The following LAMB4 variants were observed in gnomAD, a reference collection of about 807,000 sequenced individuals.
LAMB4 encodes the protein laminin subunit beta 4, also known as laminin subunit beta-4.
Under a neutral mutation model 199.2 loss-of-function variants are expected in LAMB4, and 196 were observed. That is an observed-to-expected ratio of 0.98 (90% CI 0.88 to 1.11). The LOEUF (loss-of-function observed/expected upper bound fraction) is 1.11, where lower values mean the gene tolerates loss of function less well. Among genes scored for constraint, LAMB4 ranks in the 50% least tolerant of loss-of-function variants. The probability of loss-of-function intolerance (pLI) is 0.00; values close to 1 mark genes in which losing one functional copy is unlikely to be tolerated. For synonymous variants in LAMB4, 744 were observed against 770.6 expected (o/e 0.97, Z 0.57); for missense variants, 2,080 against 2,171.2 (o/e 0.96, Z 0.83).
chr7:108,077,130 AT>A (rs1237569903), intron 16 of LAMB4, 66 bp from the exon 17 acceptor site: 28 of 1,544,474 alleles, frequency 1.8e-5, no homozygotes, highest in Non-Finnish European at 2.5e-5. Context: ...CTAAATGGCC[AT>A]AGTATTTGGT....
intron 14 of LAMB4, among the ~76,000 whole-genome samples, chr7:108,084,091 CTCCAGCCCATGAGGGATGAGAGTGTGAG>C (rs2037068396): frequency 6.6e-6 from 1 of 152,328 alleles, no homozygotes; most frequent in South Asian, 2.1e-4. Flanking sequence ...AATGCAGGGG[CTCCAGCCCATGAGGGATGAGAGTGTGAG>C]TCATCTCATT....
chr7:108,072,940 G>C (rs191909678), intron 17 of LAMB4, among the ~76,000 whole-genome samples: 8 of 152,312 alleles, frequency 5.3e-5, no homozygotes, highest in African/African-American at 1.9e-4. Context: ...CTCTTGGTCT[G>C]AGCCATTGAT....
chr7:108,107,218 C>T (rs532632733), intron 6 of LAMB4, among the ~76,000 whole-genome samples: 3 of 152,336 alleles, frequency 2.0e-5, no homozygotes, highest in Admixed American at 2.0e-4. Context: ...CTCACTCCAA[C>T]CTTCTGCCAG....
intron 10 of LAMB4, 45 bp from the exon 11 acceptor site, chr7:108,098,627 G>A (rs1399169665): frequency 1.3e-6 from 2 of 1,501,804 alleles, no homozygotes; most frequent in South Asian, 2.6e-5. Context: ...GCAAATTGTG[G>A]GAAGCCTGAA....
At chr7:108,113,046 C>T (rs1216094660) in intron 3 of LAMB4, among the ~76,000 whole-genome samples, 1 of 152,204 alleles carries the variant, frequency 6.6e-6, no homozygotes, top group East Asian at 1.9e-4. Flanking sequence ...TTCCTCCCAG[C>T]TAGTCTTATC....
chr7:108,030,064 G>T (rs2034975682), intron 32 of LAMB4, among the ~76,000 whole-genome samples: 1 of 151,470 alleles, frequency 6.6e-6, no homozygotes, highest in Admixed American at 6.6e-5. Flanking sequence ...GTTGCAATGA[G>T]CTGAGACTGA....
intron 10 of LAMB4, among the ~76,000 whole-genome samples, chr7:108,100,317 T>A (rs1223825052): frequency 5.3e-5 from 8 of 152,212 alleles, no homozygotes; most frequent in Non-Finnish European, 1.5e-5. Flanking sequence ...TTAAAATTAG[T>A]CAACTCTTAT....
intron 17 of LAMB4, among the ~76,000 whole-genome samples, chr7:108,073,285 C>T (rs764730562): frequency 2.0e-5 from 3 of 152,342 alleles, no homozygotes; most frequent in South Asian, 2.1e-4. Context: ...GGATTACAGG[C>T]GTAAGCCACC....
rs1303916698 is a variant in LAMB4 at position 108,057,770 on chromosome 7, G to A, written c.3379+62C>T. The A allele has an allele frequency of 1.1e-5, 11 of 1,038,528 alleles. No individual in the cohort carries two copies. In the Admixed American group the frequency reaches 1.4e-4, roughly 13 times the overall value. 64.3% of individuals were successfully genotyped at this position (1,038,528 alleles called of 1,614,324 possible). On this transcript the variant is annotated intron_variant, in intron 24 of 33. Transcript: ENST00000388781. The stretch of plus-strand genomic sequence containing the variant: ...AAATTTAAAATTCAGTTGGTTCATA[G>A]CATGTCCATGGTAGGGCCAGGCTGA...
At chr7:108,119,856 A>G (rs576701741) in intron 2 of LAMB4, among the ~76,000 whole-genome samples, 1 of 152,296 alleles carries the variant, frequency 6.6e-6, no homozygotes, top group African/African-American at 2.4e-5. Context: ...ATAAGATGCT[A>G]TGACTGAGAG....
intron 1 of LAMB4, among the ~76,000 whole-genome samples, chr7:108,125,981 C>G (rs1274530903): frequency 6.6e-6 from 1 of 152,130 alleles, no homozygotes; most frequent in Admixed American, 6.5e-5. Context: ...TGACCTGCCC[C>G]AAAGGAGCAG....
At chr7:108,025,107 T>C (rs948255142) in intron 33 of LAMB4, among the ~76,000 whole-genome samples, 2 of 152,210 alleles carry the variant, frequency 1.3e-5, no homozygotes, top group African/African-American at 4.8e-5. Context: ...TAAACAAACA[T>C]TGAATTAACT....
At chr7:108,104,824 C>T (rs2037944734) in intron 8 of LAMB4, among the ~76,000 whole-genome samples, 1 of 152,000 alleles carries the variant, frequency 6.6e-6, no homozygotes, top group Non-Finnish European at 1.5e-5. Context: ...GTTCAGTGAA[C>T]TTCTAAAATA....
intron 1 of LAMB4, among the ~76,000 whole-genome samples, chr7:108,126,554 C>CCTTTTTTTTTT (rs780962576): frequency 2.2e-4 from 18 of 83,532 alleles, no homozygotes; most frequent in African/African-American, 7.6e-4. Context: ...GAATTTCTTT[C>CCTTTTTTTTTT]TTTTTTTTTT....
intron 28 of LAMB4, chr7:108,044,380 T>A (rs978847769): frequency 6.5e-6 from 1 of 153,066 alleles, no homozygotes; most frequent in Non-Finnish European, 1.5e-5. Context: ...TTCCTCTTAA[T>A]AAATGAGCTT....
At chr7:108,069,995 A>G in intron 17 of LAMB4, 110 bp from the exon 18 acceptor site, 2 of 750,052 alleles carry the variant, frequency 2.7e-6, no homozygotes, top group East Asian at 2.7e-5. Flanking sequence ...AGAAGACTCA[A>G]CTCAATCCTT....
chr7:108,044,688 A>G (rs2150512558), intron 28 of LAMB4, among the ~76,000 whole-genome samples: 1 of 152,348 alleles, frequency 6.6e-6, no homozygotes, highest in East Asian at 1.9e-4. Flanking sequence ...ATGGTGGCTC[A>G]CGCCTGTAAT....
rs1378031500 is a variant in LAMB4, at chr7:108,079,679, A to G, written c.1809T>C (p.Pro603=). The change falls in exon 15 of 34, where the codon CCT becomes CCC. Residue 603 remains proline (P), a synonymous_variant. Coordinates refer to ENST00000388781, the MANE Select transcript of LAMB4 (RefSeq NM_007356.3). ...WTGPGFARVL[P]GAGLRFAVNN... is the part of the protein sequence containing the mutation. ...TGACAGCAAATCTCAAGCCAGCCCC[A>G]GGGAGAACCCTGGCAAATCCAGGTC... 6.2e-7 allele frequency: 1 copy of G among 1,613,324 alleles called. No homozygotes were observed. The highest frequency in any genetic ancestry group is 1.7e-5 in the Admixed American group (1 of 59,894).
chr7:108,096,582 A>G (rs964097534), intron 11 of LAMB4, among the ~76,000 whole-genome samples: 1 of 152,080 alleles, frequency 6.6e-6, no homozygotes, highest in Admixed American at 6.6e-5. Context: ...CCAATATACT[A>G]AAAATTATTG....
Sources: allele counts gnomAD v4.1 joint callset (sites outside exome capture counted in the v4.1 genomes callset), GRCh38; gene constraint gnomAD v4.1.1; transcripts MANE v1.5; gene names NCBI Gene and HGNC (gene_info 2026-07-23, HGNC 2026-07-21).